The following MCMBP variants were observed in gnomAD, a reference collection of about 807,000 sequenced individuals.
The protein encoded by MCMBP is mini-chromosome maintenance complex-binding protein.
In MCMBP, 31 loss-of-function variants were observed where a neutral mutation model predicts 81.3. The ratio of observed to expected loss-of-function variants is 0.38; its 90% CI spans 0.29 to 0.51. The LOEUF (loss-of-function observed/expected upper bound fraction) is 0.51. MCMBP is among the 20% of genes least tolerant of loss of function. The pLI is 0.87. For missense variants in MCMBP, 645 were observed against 772.1 expected, an observed-to-expected ratio of 0.84 and a Z score of 1.95; for synonymous variants, 267 against 275.9, an observed-to-expected ratio of 0.97 and a Z score of 0.32.
At chr10:119,855,904 G>T (rs965021214) in intron 5 of MCMBP, among the ~76,000 whole-genome samples, 9 of 151,960 alleles carry the variant, frequency 5.9e-5, no homozygotes, top group Middle Eastern at 3.4e-3. Flanking sequence ...AACAGTCCTT[G>T]AAAGATACAA....
Position 119,863,832 on chromosome 10 carries a change from G to A in MCMBP, c.59-3948C>T. On this transcript the variant is annotated intron_variant, in intron 1 of 15. Coordinates refer to ENST00000369077, the MANE Select transcript of MCMBP (RefSeq NM_001256378.2). ...AAGTGAGATAAGCCAGACGTAAAAG[G>A]TGAAATATTATTCTACTTGGGTGAG... Among the ~76,000 whole-genome samples the A allele has an allele frequency of 1.4e-5, 2 of 147,116 alleles. 1 individual carries two copies. Among genetic ancestry groups the A allele is most frequent in the East Asian group, 4.0e-4 (2 of 4,970 alleles).
intron 1 of MCMBP, among the ~76,000 whole-genome samples, chr10:119,872,064 G>A (rs536851850): frequency 6.6e-6 from 1 of 152,290 alleles, no homozygotes; most frequent in East Asian, 1.9e-4. Flanking sequence ...CAACTTCTGT[G>A]CAAGCGAGCA....
intron 5 of MCMBP, among the ~76,000 whole-genome samples, chr10:119,856,400 TAC>T (rs1427560140): frequency 1.3e-5 from 2 of 152,194 alleles, no homozygotes; most frequent in African/African-American, 4.8e-5. Flanking sequence ...GAACTACTGA[TAC>T]ACACATGACT....
chr10:119,848,729 C>CA (rs1852707390), intron 7 of MCMBP, among the ~76,000 whole-genome samples: 1 of 152,136 alleles, frequency 6.6e-6, no homozygotes, highest in Non-Finnish European at 1.5e-5. Flanking sequence ...TTATCAGGAT[C>CA]AAAACACTAG....
In MCMBP at chr10:119,847,723, G is replaced by C. The variant is rs1240530978; in HGVS notation, c.727-10C>G. The C allele has an allele frequency of 6.6e-7, 1 of 1,514,072 alleles. No individual in the cohort carries two copies. The highest frequency in any genetic ancestry group is 1.1e-5 in the South Asian group (1 of 88,380). The allele number at this position is 1,514,072 out of a possible 1,614,324, so 93.8% of individuals were successfully genotyped here. A position where few individuals can be genotyped will look rare whatever the true frequency, so the allele number is the denominator to read the frequency against. ...CCCAATCTTCATAAACCTAACAAGA[G>C]ACCACATGAAATCACACTGTTAGAA... On this transcript the variant is annotated splice_polypyrimidine_tract_variant and intron_variant, in intron 7 of 15. Coordinates refer to ENST00000369077, the MANE Select transcript of MCMBP (RefSeq NM_001256378.2).
chr10:119,843,327 C>G lies in MCMBP; in HGVS notation c.927G>C (p.Val309=). The change falls in exon 9 of 16, where the codon GTG becomes GTC. Residue 309 remains valine, a synonymous_variant. Coordinates refer to ENST00000369077, the MANE Select transcript of MCMBP (RefSeq NM_001256378.2). ...PPASLVPRIH[V]ILAQKLQHIN... ...TGTGTTGCAACTTCTGGGCTAAGAT[C>G]ACATGAATTCTCGGCACTAATGAAG... 1 of 1,614,014 alleles carries G rather than the reference C, an allele frequency of 6.2e-7. No individual in the cohort carries two copies.
In MCMBP at chr10:119,857,384, G is replaced by C. The variant is rs372546198; in HGVS notation, c.383C>G (p.Thr128Ser). 8.7e-6 allele frequency: 14 copies of C among 1,611,530 alleles called. No homozygotes were observed. The highest frequency in any genetic ancestry group is 3.3e-5 in the Admixed American group (2 of 59,920). ...SPRNTTLERQ[T>S]FYCVPVPGES... is the part of the protein sequence containing the mutation. ...CCCAGGCACCGGAACACAATAGAAAGTCTGTCTTTCCAAAGTGGTATTTCG... is the reference window on the plus strand; with the variant it reads ...CCCAGGCACCGGAACACAATAGAAACTCTGTCTTTCCAAAGTGGTATTTCG... Residue 128 changes from threonine to serine, a missense_variant, in exon 5 of 16, where the codon ACT becomes AGT. By Grantham distance (58) the Thr-to-Ser change is moderately conservative. Coordinates refer to ENST00000369077, the MANE Select transcript of MCMBP (RefSeq NM_001256378.2).
At chr10:119,871,313 C>T (rs564968217) in intron 1 of MCMBP, among the ~76,000 whole-genome samples, 8 of 151,932 alleles carry the variant, frequency 5.3e-5, no homozygotes, top group African/African-American at 1.9e-4. Context: ...ATGCCCCTTC[C>T]TCAAAGCACC....
intron 5 of MCMBP, among the ~76,000 whole-genome samples, chr10:119,855,697 C>A (rs1853013545): frequency 6.6e-6 from 1 of 151,486 alleles, no homozygotes; most frequent in Non-Finnish European, 1.5e-5. Flanking sequence ...TAGAAAAAGA[C>A]CAATTAAAAC....
chr10:119,834,699 A>C (rs1331293137), intron 14 of MCMBP, among the ~76,000 whole-genome samples: 3 of 151,696 alleles, frequency 2.0e-5, no homozygotes, highest in Non-Finnish European at 4.4e-5. Flanking sequence ...AAAAAAACCC[A>C]AAAAACAAAG....
At chr10:119,850,831 A>T (rs1374438905) in intron 6 of MCMBP, among the ~76,000 whole-genome samples, 2 of 149,600 alleles carry the variant, frequency 1.3e-5, no homozygotes, top group Non-Finnish European at 3.0e-5. Context: ...TACGTAAGGT[A>T]TTACCACTGG....
chr10:119,844,948 G>A (rs917983730), intron 8 of MCMBP, among the ~76,000 whole-genome samples: 2 of 152,158 alleles, frequency 1.3e-5, no homozygotes. Flanking sequence ...TTGAGATTTT[G>A]GGACTCAGGC....
At chr10:119,834,519 C>A (rs1852164549) in intron 14 of MCMBP, among the ~76,000 whole-genome samples, 1 of 151,970 alleles carries the variant, frequency 6.6e-6, no homozygotes, top group Non-Finnish European at 1.5e-5. Flanking sequence ...CCCAGATAAA[C>A]AAAAACTTAA....
At chr10:119,857,526 A>G in intron 4 of MCMBP, 87 bp from the exon 5 acceptor site, 1 of 692,452 alleles carries the variant, frequency 1.4e-6, no homozygotes, top group South Asian at 2.1e-5. Flanking sequence ...TTTTCACATT[A>G]TAACACCACA....
intron 8 of MCMBP, among the ~76,000 whole-genome samples, chr10:119,846,161 C>G (rs7072945): frequency 0.11 from 16,455 of 152,032 alleles, 942 homozygotes; most frequent in South Asian, 0.17. Flanking sequence ...CTTAATATGC[C>G]AGAAAATAAA....
At chr10:119,847,483 G>A (rs370370772) in intron 8 of MCMBP, 130 bp downstream of exon 8, 2 of 510,592 alleles carry the variant, frequency 3.9e-6, no homozygotes, top group East Asian at 3.1e-5. Context: ...CACATGGGGT[G>A]CAAGTGTTTA....
chr10:119,851,737 C>T (rs1162632732), intron 6 of MCMBP, among the ~76,000 whole-genome samples: 1 of 152,044 alleles, frequency 6.6e-6, no homozygotes, highest in African/African-American at 2.4e-5. Flanking sequence ...TAAAACATTC[C>T]AATTTTAAAC....
At position 119,843,240 on chromosome 10, in the gene MCMBP, A is replaced by G; in HGVS notation, c.1000+14T>C. 1 of 1,613,188 alleles carries G rather than the reference A, an allele frequency of 6.2e-7. No homozygotes were observed. The highest frequency in any genetic ancestry group is 1.1e-5 in the South Asian group (1 of 90,952). ...ACAGTCGATAGTTGACTAGGCTGTA[A>G]CACTTACACTTACAGGTTTTGCTCT... On this transcript the variant is annotated intron_variant, in intron 9 of 15. Coordinates refer to ENST00000369077, the MANE Select transcript of MCMBP (RefSeq NM_001256378.2).
At position 119,835,718 on chromosome 10, in the gene MCMBP, G is replaced by A. The variant is rs549091895; in HGVS notation, c.1543-14C>T. 4 of 1,613,612 alleles carry A rather than the reference G, an allele frequency of 2.5e-6. No individual in the cohort carries two copies. Among genetic ancestry groups the A allele is most frequent in the Non-Finnish European group, 3.4e-6 (4 of 1,179,794 alleles). ...CTGGCAGTCTGCCTGAAAAGAGAAGGAGTACACTGTATTTTCTGAGTTCCT... is the reference window on the plus strand; with the variant it reads ...CTGGCAGTCTGCCTGAAAAGAGAAGAAGTACACTGTATTTTCTGAGTTCCT... On this transcript the variant is annotated splice_polypyrimidine_tract_variant and intron_variant, in intron 13 of 15. Coordinates refer to ENST00000369077, the MANE Select transcript of MCMBP (RefSeq NM_001256378.2).
Sources: gnomAD v4.1 joint callset for allele counts (sites outside exome capture counted in the v4.1 genomes callset) on GRCh38, gnomAD v4.1.1 for gene constraint, MANE v1.5 for transcripts, NCBI Gene and HGNC (gene_info 2026-07-23, HGNC 2026-07-21) for gene names.